The following TYW1 variants were observed in gnomAD, a reference collection of about 807,000 sequenced individuals.
The protein encoded by TYW1 is S-adenosyl-L-methionine-dependent tRNA 4-demethylwyosine synthase TYW1.
Under a neutral mutation model 96.2 loss-of-function variants are expected in TYW1, and 46 were observed. That is an observed-to-expected ratio of 0.48 (90% CI 0.38 to 0.61). The LOEUF (loss-of-function observed/expected upper bound fraction) is 0.61. Ranked by LOEUF, TYW1 falls within the 20% of genes least tolerant of loss-of-function variation. The pLI is 0.00. For synonymous variants in TYW1, 274 were observed against 323.0 expected (o/e 0.85, Z 1.63); for missense variants, 684 against 909.6 (o/e 0.75, Z 3.19).
intron 15 of TYW1, among the ~76,000 whole-genome samples, chr7:67,235,948 G>A (rs1484788605): frequency 6.7e-6 from 1 of 149,756 alleles, no homozygotes; most frequent in Non-Finnish European, 1.5e-5. Flanking sequence ...GCCCTCGCAT[G>A]TCCTGGGTGA....
At chr7:67,122,788 C>T (rs980591086) in intron 13 of TYW1, among the ~76,000 whole-genome samples, 2 of 152,146 alleles carry the variant, frequency 1.3e-5, no homozygotes, top group Admixed American at 1.3e-4. Flanking sequence ...TCCCTGCATC[C>T]TTCTTCCCAT....
At chr7:67,108,433 C>A (rs1797302801) in intron 12 of TYW1, among the ~76,000 whole-genome samples, 2 of 146,990 alleles carry the variant, frequency 1.4e-5, no homozygotes, top group Admixed American at 6.9e-5. Flanking sequence ...CTTTGGAATA[C>A]AGATTTTTTC....
chr7:67,098,729 C>T lies in TYW1; in HGVS notation c.1562+11C>T, dbSNP rs375600480. ...TCCTGCGGAAATCAGGTGAGTTCTC[C>T]AGCCTATGGAGAGATGCTGCTTGAA... On this transcript the variant is annotated intron_variant, in intron 12 of 15. Coordinates refer to ENST00000359626, the MANE Select transcript of TYW1 (RefSeq NM_018264.4). 214 of 1,609,192 alleles carry T rather than the reference C, an allele frequency of 1.3e-4. No homozygotes were observed. Among genetic ancestry groups the T allele is most frequent in the Non-Finnish European group, 1.7e-4 (200 of 1,177,738 alleles).
At position 67,098,631 on chromosome 7, in the gene TYW1, C is replaced by T. The variant is rs1348779728; in HGVS notation, c.1475C>T (p.Pro492Leu). ...CTCGTGGGAGAACCAATAATGTACC[C>T]AGAGATCAACAGGTTTTTGAAGCTA... Reference protein sequence around the residue: ...LSLVGEPIMYPEINRFLKLLH... With the variant: ...LSLVGEPIMYLEINRFLKLLH... The change falls in exon 12 of 16, where the codon CCA (proline) becomes CTA (leucine). Residue 492 changes from proline to leucine, a missense_variant. Pro to Leu is a moderately conservative substitution (Grantham distance 98). Transcript: ENST00000359626. The T allele has an allele frequency of 1.2e-6, 2 of 1,613,808 alleles. No homozygotes were observed. Among genetic ancestry groups the T allele is most frequent in the Non-Finnish European group, 1.7e-6 (2 of 1,179,954 alleles).
At chr7:67,150,682 C>A (rs1391417108) in intron 13 of TYW1, among the ~76,000 whole-genome samples, 56 of 152,202 alleles carry the variant, frequency 3.7e-4, no homozygotes, top group Middle Eastern at 3.4e-3. Flanking sequence ...TTTTCTGTTT[C>A]TTTCTTGCAA....
chr7:67,025,102 A>G, intron 7 of TYW1, 80 bp downstream of exon 7: 1 of 1,552,088 alleles, frequency 6.4e-7, no homozygotes, highest in African/African-American at 1.4e-5. Context: ...TGTGTAGTCC[A>G]TCTGAGCTCA....
At chr7:67,198,562 A>G (rs1800483625) in intron 15 of TYW1, among the ~76,000 whole-genome samples, 1 of 151,870 alleles carries the variant, frequency 6.6e-6, no homozygotes, top group Non-Finnish European at 1.5e-5. Context: ...AAAAAAAAAA[A>G]AGAAGATATA....
chr7:67,205,856 C>T (rs1008692641), intron 15 of TYW1, among the ~76,000 whole-genome samples: 2 of 152,014 alleles, frequency 1.3e-5, no homozygotes, highest in Non-Finnish European at 2.9e-5. Flanking sequence ...CAGCCCAGTC[C>T]AGGATATCTG....
intron 6 of TYW1, among the ~76,000 whole-genome samples, chr7:67,021,334 T>A (rs1278824995): frequency 6.6e-6 from 1 of 152,294 alleles, no homozygotes; most frequent in Non-Finnish European, 1.5e-5. Context: ...CTACATTTTC[T>A]TCCCATGTCA....
intron 13 of TYW1, among the ~76,000 whole-genome samples, chr7:67,141,669 A>C (rs1369960606): frequency 1.3e-5 from 2 of 152,212 alleles, no homozygotes; most frequent in African/African-American, 2.4e-5. Context: ...TGGCCAAACC[A>C]CTGAACCTCT....
At chr7:67,200,716 A>G (rs1388526872) in intron 15 of TYW1, among the ~76,000 whole-genome samples, 1 of 152,224 alleles carries the variant, frequency 6.6e-6, no homozygotes, top group Non-Finnish European at 1.5e-5. Flanking sequence ...GAGAAGTGTA[A>G]TCAGAGCTAT....
At chr7:67,081,769 T>C (rs1210314709) in intron 10 of TYW1, among the ~76,000 whole-genome samples, 1 of 151,052 alleles carries the variant, frequency 6.6e-6, no homozygotes, top group African/African-American at 2.4e-5. Context: ...CTCTTCCTTC[T>C]TCTTTTCCTT....
chr7:67,185,796 A>C (rs1369925077), intron 14 of TYW1, among the ~76,000 whole-genome samples: 2 of 152,200 alleles, frequency 1.3e-5, no homozygotes, highest in Admixed American at 6.5e-5. Context: ...TCCACAAGAC[A>C]AGAGAAGTGA....
chr7:67,219,118 G>A (rs185270399), intron 15 of TYW1, among the ~76,000 whole-genome samples: 1 of 152,266 alleles, frequency 6.6e-6, no homozygotes, highest in East Asian at 1.9e-4. Context: ...TGAAAAACGC[G>A]AAAGGGTGTT....
chr7:67,112,100 CAAAAAA>C (rs538839042), intron 12 of TYW1, among the ~76,000 whole-genome samples: 197 of 94,888 alleles, frequency 2.1e-3, no homozygotes, highest in African/African-American at 6.5e-3. Context: ...CTCTGTCTGA[CAAAAAA>C]AAAAAAAAAA....
In TYW1 at chr7:67,193,187, G is replaced by A. The variant is rs10243730; in HGVS notation, c.1810-1983G>A. 5.9e-5 allele frequency among the ~76,000 whole-genome samples: 9 copies of A among 152,124 alleles called. No homozygotes were observed. The East Asian group carries it at 1.4e-3, about 23-fold the overall frequency. ...GCAAACACAAGGATTTCTGTTAGTC[G>A]TTGGTTTCTTTAACTCTGTAGGGCA... is the stretch of plus-strand genomic sequence containing the variant. On this transcript the variant is annotated intron_variant, in intron 14 of 15. Coordinates refer to ENST00000359626, the MANE Select transcript of TYW1 (RefSeq NM_018264.4).
chr7:67,162,313 CAAAAA>C (rs60661089), intron 13 of TYW1, among the ~76,000 whole-genome samples: 4 of 102,168 alleles, frequency 3.9e-5, no homozygotes, highest in African/African-American at 1.0e-4. Context: ...GACTCTGTCT[CAAAAA>C]AAAAAAAAAA....
intron 15 of TYW1, among the ~76,000 whole-genome samples, chr7:67,206,329 G>A (rs1800797570): frequency 6.6e-6 from 1 of 152,078 alleles, no homozygotes; most frequent in African/African-American, 2.4e-5. Flanking sequence ...AAGGGTACTA[G>A]TGTTGAAAAG....
intron 13 of TYW1, among the ~76,000 whole-genome samples, chr7:67,118,169 A>G (rs1797654208): frequency 6.6e-6 from 1 of 152,172 alleles, no homozygotes; most frequent in East Asian, 1.9e-4. Flanking sequence ...TACTAGAAAT[A>G]CCAAAAAATT....
Sources: gnomAD v4.1 joint callset for allele counts (sites outside exome capture counted in the v4.1 genomes callset) on GRCh38, gnomAD v4.1.1 for gene constraint, MANE v1.5 for transcripts, NCBI Gene and HGNC (gene_info 2026-07-23, HGNC 2026-07-21) for gene names.